DSC3: variants seen among roughly 807,000 people sequenced by gnomAD.
DSC3 encodes desmocollin-3.
In DSC3, 97 loss-of-function variants were observed where a neutral mutation model predicts 89.5. The ratio of observed to expected loss-of-function variants is 1.08; its 90% CI spans 0.92 to 1.28. DSC3 has a LOEUF of 1.28. DSC3 is among the 50% of genes most tolerant of loss of function. The probability of loss-of-function intolerance (pLI) is 0.00; values close to 1 mark genes in which losing one functional copy is unlikely to be tolerated. For synonymous variants in DSC3, 436 were observed against 384.1 expected (o/e 1.14, Z -1.58); for missense variants, 1,199 against 1,085.3 (o/e 1.10, Z -1.47).
rs9304076 is a variant in DSC3 at position 30,992,175 on chromosome 18, A to AGGGGGGG, written c.*1993_*1999dup. On this transcript the variant is annotated 3_prime_UTR_variant, in exon 16 of 16. Transcript: ENST00000360428. ...AGCGAGACTCCGTCTCAAAAAAAAA[A>AGGGGGGG]GGGGGGGGGGGGGGCAATAAAAAGT... 1 of 85,608 alleles carries AGGGGGGG rather than the reference A, an allele frequency of 1.2e-5. No homozygotes were observed. Among genetic ancestry groups the AGGGGGGG allele is most frequent in the Non-Finnish European group, 2.4e-5 (1 of 41,898 alleles). The allele number at this position is 85,608 out of a possible 1,614,324, so 5.3% of individuals were successfully genotyped here. A position where few individuals can be genotyped will look rare whatever the true frequency, so the allele number is the denominator to read the frequency against.
At chr18:31,009,636 T>C (rs1284236879) in intron 9 of DSC3, among the ~76,000 whole-genome samples, 1 of 152,242 alleles carries the variant, frequency 6.6e-6, no homozygotes, top group Non-Finnish European at 1.5e-5. Flanking sequence ...GGAAATACTA[T>C]GTGATTGATT....
In DSC3 at chr18:30,989,465, G is replaced by A. The variant is rs1202831188; in HGVS notation, c.*4710C>T. Among the ~76,000 whole-genome samples, 1 of 152,072 alleles carries A rather than the reference G, an allele frequency of 6.6e-6. No individual in the cohort carries two copies. Among genetic ancestry groups the A allele is most frequent in the Admixed American group, 6.5e-5 (1 of 15,272 alleles). Reference sequence around the variant, plus strand: ...GGGGATAATGCAGGGAGGGGAAGAGGAGAATGACTGCTTAAAAGGTTTCCT... The same window carrying A: ...GGGGATAATGCAGGGAGGGGAAGAGAAGAATGACTGCTTAAAAGGTTTCCT... On this transcript the variant is annotated 3_prime_UTR_variant, in exon 16 of 16. Coordinates refer to ENST00000360428, the MANE Select transcript of DSC3 (RefSeq NM_001941.5).
intron 7 of DSC3, 67 bp downstream of exon 7, chr18:31,022,269 T>C: frequency 2.5e-6 from 4 of 1,581,460 alleles, no homozygotes; most frequent in East Asian, 4.5e-5. Context: ...GGATAGCAAG[T>C]TATAATAAAT....
intron 7 of DSC3, among the ~76,000 whole-genome samples, chr18:31,019,484 G>A (rs1241828855): frequency 1.3e-5 from 2 of 152,170 alleles, no homozygotes; most frequent in African/African-American, 4.8e-5. Flanking sequence ...AAACTCCCCT[G>A]CAGCAATCAT....
intron 1 of DSC3, among the ~76,000 whole-genome samples, chr18:31,034,728 A>G (rs1985915962): frequency 1.3e-5 from 2 of 152,058 alleles, no homozygotes; most frequent in South Asian, 4.1e-4. Flanking sequence ...AACTAGATAC[A>G]AAACAACACA....
At chr18:30,997,852 A>G (rs527237488) in intron 14 of DSC3, among the ~76,000 whole-genome samples, 25 of 152,188 alleles carry the variant, frequency 1.6e-4, no homozygotes, top group Non-Finnish European at 1.8e-4. Context: ...GGAGTGGGAC[A>G]AACAAGGCAA....
intron 15 of DSC3, among the ~76,000 whole-genome samples, chr18:30,995,170 C>A (rs1360963182): frequency 7.2e-5 from 11 of 152,302 alleles, no homozygotes; most frequent in African/African-American, 2.6e-4. Flanking sequence ...TCCTCCCTTT[C>A]CTCACCTGTG....
intron 9 of DSC3, among the ~76,000 whole-genome samples, chr18:31,012,690 A>G (rs1327330599): frequency 6.6e-6 from 1 of 152,222 alleles, no homozygotes; most frequent in African/African-American, 2.4e-5. Flanking sequence ...GTTTTGTGGG[A>G]CACTGTTTCA....
rs568650995 is a variant in DSC3 at position 31,037,707 on chromosome 18, C to T, written c.69+4885G>A. Among the ~76,000 whole-genome samples, 11 of 152,216 alleles carry T rather than the reference C, an allele frequency of 7.2e-5. No individual in the cohort carries two copies. The South Asian group carries it at 1.5e-3, about 20-fold the overall frequency. On this transcript the variant is annotated intron_variant, in intron 1 of 15. Transcript: ENST00000360428. The stretch of plus-strand genomic sequence containing the variant: ...ATGAGGTCAGGAGTTCGAGACATGC[C>T]GGACCAACATGGTGAAACCTCGTCT...
intron 15 of DSC3, among the ~76,000 whole-genome samples, chr18:30,995,962 A>ACCCTGCCT (rs1271535315): frequency 8.6e-6 from 1 of 115,876 alleles, no homozygotes; most frequent in African/African-American, 3.4e-5. Flanking sequence ...ACAGAGCAAG[A>ACCCTGCCT]CCCTGCCTTA....
In DSC3 at chr18:31,026,397, G is replaced by A. The variant is rs115999124; in HGVS notation, c.475-482C>T. Among the ~76,000 whole-genome samples, 1,192 of 152,182 alleles carry A rather than the reference G, an allele frequency of 7.8e-3. 20 individuals carry two copies. The highest frequency in any genetic ancestry group is 0.028 in the African/African-American group (1,152 of 41,554). ...GAAAACCACTGGAGAATTTAGACAA[G>A]GGTAACATCATCTGATTTATATCCT... is the stretch of plus-strand genomic sequence containing the variant. On this transcript the variant is annotated intron_variant, in intron 4 of 15. Coordinates refer to ENST00000360428, the MANE Select transcript of DSC3 (RefSeq NM_001941.5).
In DSC3 at chr18:31,008,286, T is replaced by A. The variant is rs776740189; in HGVS notation, c.1503A>T (p.Arg501Ser). The change falls in exon 10 of 16, where the codon AGA becomes AGT. Residue 501 changes from arginine (R) to serine (S), a missense_variant. Coordinates refer to ENST00000360428, the MANE Select transcript of DSC3 (RefSeq NM_001941.5). Reference protein sequence around the residue: ...NGYKAYDPENRNGNGLRYKKL... With the variant: ...NGYKAYDPENSNGNGLRYKKL... ...ATTTTTACCTTAAACCATTGCCATT[T>A]CTATTTTCGGGGTCATATGCCTTAT... is the stretch of plus-strand genomic sequence containing the variant. 1.3e-5 allele frequency: 21 copies of A among 1,613,976 alleles called. No homozygotes were observed. The Admixed American group carries it at 3.5e-4, about 27-fold the overall frequency.
chr18:31,006,985 G>A lies in DSC3; in HGVS notation c.1810C>T (p.His604Tyr), dbSNP rs1393479412. ...AAACTGAAATAAAATGGAGCTCCAT[G>A]GACAGGTTCATCAGGATCAACAGCT... is the stretch of plus-strand genomic sequence containing the variant. Reference protein sequence around the residue: ...ILAVDPDEPVHGAPFYFSLPN... With the variant: ...ILAVDPDEPVYGAPFYFSLPN... Residue 604 changes from histidine to tyrosine, a missense_variant, in exon 12 of 16, where the codon CAT (histidine) becomes TAT (tyrosine). Transcript: ENST00000360428. The A allele has an allele frequency of 6.2e-7, 1 of 1,613,848 alleles. No individual in the cohort carries two copies. The highest frequency in any genetic ancestry group is 8.5e-7 in the Non-Finnish European group (1 of 1,179,932).
rs563286260 is a variant in DSC3 at position 30,992,899 on chromosome 18, C to T, written c.*1276G>A. The T allele has an allele frequency of 9.5e-4, 144 of 152,294 alleles. No homozygotes were observed. Among genetic ancestry groups the T allele is most frequent in the African/African-American group, 3.4e-3 (142 of 41,548 alleles). 9.4% of individuals were successfully genotyped at this position (152,294 alleles called of 1,614,324 possible). ...AGGGGGCCCACAAGGCCTGGCTTTCCTTGATTCAGGCCAATGCCACTCAGA... is the reference window on the plus strand; with the variant it reads ...AGGGGGCCCACAAGGCCTGGCTTTCTTTGATTCAGGCCAATGCCACTCAGA... On this transcript the variant is annotated 3_prime_UTR_variant, in exon 16 of 16. Transcript: ENST00000360428.
At chr18:31,003,987 A>T (rs575965631) in intron 13 of DSC3, among the ~76,000 whole-genome samples, 155 bp downstream of exon 13, 8 of 152,240 alleles carry the variant, frequency 5.3e-5, no homozygotes, top group Non-Finnish European at 1.2e-4. Context: ...CCGTCACAGA[A>T]AATATTCAAA....
chr18:31,008,576 A>G (rs757247636), intron 9 of DSC3, 51 bp from the exon 10 acceptor site: 25 of 1,604,686 alleles, frequency 1.6e-5, no homozygotes, highest in Non-Finnish European at 2.0e-5. Flanking sequence ...TACATCTGGC[A>G]TTTCAAATGG....
At chr18:31,023,544 G>T (rs1253865656) in intron 6 of DSC3, among the ~76,000 whole-genome samples, 1 of 152,028 alleles carries the variant, frequency 6.6e-6, no homozygotes, top group African/African-American at 2.4e-5. Flanking sequence ...TAATAAAGAG[G>T]TTAACATCTA....
At chr18:31,001,990 G>A (rs1310976821) in intron 13 of DSC3, among the ~76,000 whole-genome samples, 1 of 151,790 alleles carries the variant, frequency 6.6e-6, no homozygotes. Context: ...AAAGTACTTA[G>A]AATTATGAGT....
At chr18:31,028,734 G>T (rs1304003376) in intron 4 of DSC3, among the ~76,000 whole-genome samples, 1 of 152,134 alleles carries the variant, frequency 6.6e-6, no homozygotes, top group Non-Finnish European at 1.5e-5. Context: ...AATTGTGCAT[G>T]TTCTATTACC....
Sources: gnomAD v4.1 joint callset for allele counts (sites outside exome capture counted in the v4.1 genomes callset) on GRCh38, gnomAD v4.1.1 for gene constraint, MANE v1.5 for transcripts, NCBI Gene and HGNC (gene_info 2026-07-23, HGNC 2026-07-21) for gene names.